ZNF519: variants seen among roughly 807,000 people sequenced by gnomAD.
ZNF519 encodes the protein zinc finger protein 519.
A neutral mutation model predicts 7.4 loss-of-function variants in ZNF519; 7 were observed. The ratio of observed to expected loss-of-function variants is 0.94; its 90% CI spans 0.54 to 1.77. ZNF519 has a LOEUF of 1.77. ZNF519 is among the 40% of genes most tolerant of loss of function. The probability of loss-of-function intolerance (pLI) is 0.00; values close to 1 mark genes in which losing one functional copy is unlikely to be tolerated. For synonymous variants in ZNF519, 179 were observed against 203.3 expected (o/e 0.88, Z 1.02); for missense variants, 586 against 623.1 (o/e 0.94, Z 0.63).
chr18:14,099,190 C>T (rs916546390), downstream of ZNF519, among the ~76,000 whole-genome samples: 1 of 152,100 alleles, frequency 6.6e-6, no homozygotes, highest in Non-Finnish European at 1.5e-5. Context: ...ACCAACCTAG[C>T]CTCCCCCGAC....
chr18:14,084,183 AGTGTG>A, intron 3 of ZNF519: 1 of 152,148 alleles, frequency 6.6e-6, no homozygotes, highest in African/African-American at 2.4e-5. Context: ...AATCAACCAC[AGTGTG>A]ACTTTCACCT....
chr18:14,095,452 G>A (rs1162503336), downstream of ZNF519, among the ~76,000 whole-genome samples: 1 of 152,190 alleles, frequency 6.6e-6, no homozygotes, highest in East Asian at 1.9e-4. Flanking sequence ...TGTAACACTG[G>A]GTTAACCCAA....
intron 1 of ZNF519, among the ~76,000 whole-genome samples, chr18:14,126,011 C>G (rs1482349838): frequency 6.6e-6 from 1 of 152,024 alleles, no homozygotes; most frequent in Non-Finnish European, 1.5e-5. Flanking sequence ...GAATTTAAGG[C>G]CCCAAAGTAT....
At chr18:14,098,628 T>TG (rs1380923924), downstream of ZNF519, among the ~76,000 whole-genome samples, 1 of 152,192 alleles carries the variant, frequency 6.6e-6, no homozygotes, top group Non-Finnish European at 1.5e-5. Flanking sequence ...AATGCTGATG[T>TG]GGCATTTCCC....
intron 2 of ZNF519, among the ~76,000 whole-genome samples, chr18:14,111,633 TC>T (rs1341128650): frequency 6.6e-6 from 1 of 151,786 alleles, no homozygotes; most frequent in East Asian, 1.9e-4. Context: ...GAATTCAAGA[TC>T]ATTAGTGGCT....
chr18:14,110,988 A>G (rs1268783829), intron 2 of ZNF519, among the ~76,000 whole-genome samples: 1 of 152,068 alleles, frequency 6.6e-6, no homozygotes, highest in East Asian at 1.9e-4. Context: ...AAATTACACT[A>G]AAGAACTTAT....
intron 2 of ZNF519, among the ~76,000 whole-genome samples, chr18:14,086,254 C>T (rs1208942490): frequency 6.6e-6 from 1 of 152,212 alleles, no homozygotes; most frequent in Non-Finnish European, 1.5e-5. Flanking sequence ...CTGGACTTGT[C>T]ACAGTGCCAG....
chr18:14,108,539 TTA>T (rs1259655318), intron 2 of ZNF519, among the ~76,000 whole-genome samples: 3 of 152,002 alleles, frequency 2.0e-5, no homozygotes, highest in Non-Finnish European at 4.4e-5. Flanking sequence ...GAGTAAATCT[TTA>T]TATAATCAAT....
intron 2 of ZNF519, among the ~76,000 whole-genome samples, chr18:14,109,133 A>AAAT (rs1567949897): frequency 2.1e-4 from 31 of 149,960 alleles, no homozygotes; most frequent in African/African-American, 2.5e-4. Flanking sequence ...AAAAAAAAAA[A>AAAT]AATAATAATG....
Position 14,099,954 on chromosome 18 carries a change from A to G in ZNF519, c.*4963T>C, listed in dbSNP as rs1338906845. On this transcript the variant is annotated 3_prime_UTR_variant, in exon 3 of 3. Coordinates refer to ENST00000590202, the MANE Select transcript of ZNF519 (RefSeq NM_145287.4). ...TTGCAAATGTTTTTCTTTGTGGAAAAAAAACTTATTTATTGCCTATGTGAG... is the reference window on the plus strand; with the variant it reads ...TTGCAAATGTTTTTCTTTGTGGAAAGAAAACTTATTTATTGCCTATGTGAG... 4 of 152,234 alleles carry G rather than the reference A, an allele frequency of 2.6e-5. No individual in the cohort carries two copies. Among genetic ancestry groups the G allele is most frequent in the Admixed American group, 2.0e-4 (3 of 15,290 alleles). The allele number at this position is 152,234 out of a possible 1,614,324, so 9.4% of individuals were successfully genotyped here.
chr18:14,126,426 T>C (rs2046299851), intron 1 of ZNF519, among the ~76,000 whole-genome samples: 1 of 152,202 alleles, frequency 6.6e-6, no homozygotes, highest in Non-Finnish European at 1.5e-5. Flanking sequence ...ATACAAATAA[T>C]AACTTCTCTT....
In ZNF519 at chr18:14,132,392, A is replaced by AAGGC. The variant is rs2046335645; in HGVS notation, c.-119_-116dup. Reference sequence around the variant, plus strand: ...CGAAGTCTCCCGGAGCAGAGGACACAAGGCAATGAAGCCCTAACCCCGCGC... The same window carrying AAGGC: ...CGAAGTCTCCCGGAGCAGAGGACACAAGGCAGGCAATGAAGCCCTAACCCCGCGC... On this transcript the variant is annotated 5_prime_UTR_variant, in exon 1 of 3. Coordinates refer to ENST00000590202, the MANE Select transcript of ZNF519 (RefSeq NM_145287.4). 1 of 1,328,234 alleles carries AAGGC rather than the reference A, an allele frequency of 7.5e-7. No homozygotes were observed. Among genetic ancestry groups the AAGGC allele is most frequent in the Admixed American group, 1.8e-5 (1 of 55,294 alleles). The allele number at this position is 1,328,234 out of a possible 1,614,324, so 82.3% of individuals were successfully genotyped here. A position where few individuals can be genotyped will look rare whatever the true frequency, so the allele number is the denominator to read the frequency against.
chr18:14,130,629 C>T (rs374872115), intron 1 of ZNF519, among the ~76,000 whole-genome samples: 1 of 151,944 alleles, frequency 6.6e-6, no homozygotes, highest in African/African-American at 2.4e-5. Flanking sequence ...CCCACCCTCC[C>T]AGGAGACACT....
chr18:14,113,282 T>G (rs1167851253), intron 2 of ZNF519, among the ~76,000 whole-genome samples: 4 of 152,190 alleles, frequency 2.6e-5, no homozygotes. Flanking sequence ...CAGTCATCCC[T>G]CTGCTCACTG....
At chr18:14,097,469 T>C (rs894862006), downstream of ZNF519, among the ~76,000 whole-genome samples, 2 of 152,166 alleles carry the variant, frequency 1.3e-5, no homozygotes, top group African/African-American at 4.8e-5. Context: ...CAGTATGACC[T>C]CAAGTCCTCA....
rs1598514729 is a variant in ZNF519 at position 14,103,671 on chromosome 18, A to G, written c.*1246T>C. ...TGGGGAACTTGTTAGAGTAACAAGT[A>G]ATAACTTATGGAATCAACATTCTCC... On this transcript the variant is annotated 3_prime_UTR_variant, in exon 3 of 3. Coordinates refer to ENST00000590202, the MANE Select transcript of ZNF519 (RefSeq NM_145287.4). The G allele has an allele frequency of 6.6e-6, 1 of 152,112 alleles. No individual in the cohort carries two copies. The highest frequency in any genetic ancestry group is 2.1e-4 in the South Asian group (1 of 4,824). The allele number at this position is 152,112 out of a possible 1,614,324, so 9.4% of individuals were successfully genotyped here.
intron 2 of ZNF519, among the ~76,000 whole-genome samples, chr18:14,109,645 TGAAA>T (rs755347828): frequency 3.9e-5 from 6 of 152,118 alleles, no homozygotes; most frequent in Non-Finnish European, 8.8e-5. Context: ...ATAAATGAAT[TGAAA>T]TATTTCTGAA....
intron 2 of ZNF519, among the ~76,000 whole-genome samples, chr18:14,085,415 A>G (rs1348982650): frequency 6.6e-6 from 1 of 151,886 alleles, no homozygotes; most frequent in African/African-American, 2.4e-5. Context: ...ATTTTTTTGG[A>G]AAAAAAATTT....
rs201876528 is a variant in ZNF519 at position 14,104,698 on chromosome 18, ATT to A, written c.*217_*218del. Reference sequence around the variant, plus strand: ...TTAATTATCTAATTGAGTTTGAATTATTTGTTATAATAAACACACTGATTCAG... The same window carrying A: ...TTAATTATCTAATTGAGTTTGAATTATGTTATAATAAACACACTGATTCAG... On this transcript the variant is annotated 3_prime_UTR_variant, in exon 3 of 3. Transcript: ENST00000590202. 288 of 417,336 alleles carry A rather than the reference ATT, an allele frequency of 6.9e-4. No individual in the cohort carries two copies. The highest frequency in any genetic ancestry group is 5.1e-3 in the African/African-American group (248 of 49,100). 25.9% of individuals were successfully genotyped at this position (417,336 alleles called of 1,614,324 possible).
Sources: allele counts gnomAD v4.1 joint callset (sites outside exome capture counted in the v4.1 genomes callset), GRCh38; gene constraint gnomAD v4.1.1; transcripts MANE v1.5; gene names NCBI Gene and HGNC (gene_info 2026-07-23, HGNC 2026-07-21).